TMOD3: variants seen among roughly 807,000 people sequenced by gnomAD.
TMOD3 encodes tropomodulin-3.
In TMOD3, 20 loss-of-function variants were observed where a neutral mutation model predicts 39.2. That is an observed-to-expected ratio of 0.51 (90% confidence interval 0.36 to 0.74). TMOD3 has a LOEUF of 0.74. TMOD3 is among the 30% of genes least tolerant of loss of function. The pLI, the probability that TMOD3 is intolerant of heterozygous loss-of-function variation, is 0.00. For synonymous variants in TMOD3, 143 were observed against 145.8 expected, an observed-to-expected ratio of 0.98 and a Z score of 0.14; for missense variants, 381 against 412.8, an observed-to-expected ratio of 0.92 and a Z score of 0.67.
chr15:51,906,023 T>C (rs908006209), intron 9 of TMOD3, among the ~76,000 whole-genome samples: 3 of 149,068 alleles, frequency 2.0e-5, no homozygotes, highest in African/African-American at 7.5e-5. Flanking sequence ...GGGCAAAATT[T>C]ATAAGCCTGC....
intron 3 of TMOD3, among the ~76,000 whole-genome samples, chr15:51,885,289 T>C (rs866937728): frequency 6.0e-5 from 9 of 150,516 alleles, no homozygotes; most frequent in Middle Eastern, 3.4e-3. Context: ...TTTTTCTTTT[T>C]TTTTTTTTTT....
chr15:51,886,148 TGGC>T (rs2056561501), intron 3 of TMOD3, among the ~76,000 whole-genome samples: 1 of 148,566 alleles, frequency 6.7e-6, no homozygotes, highest in Admixed American at 6.7e-5. Flanking sequence ...CCAGACGGGA[TGGC>T]GGCCAGGAAG....
At chr15:51,852,598 G>A (rs915057332) in intron 1 of TMOD3, among the ~76,000 whole-genome samples, 1 of 152,160 alleles carries the variant, frequency 6.6e-6, no homozygotes, top group Admixed American at 6.5e-5. Flanking sequence ...ATCAACGGAA[G>A]TATCAAAAAT....
chr15:51,860,214 T>C, intron 1 of TMOD3: 1 of 483,624 alleles, frequency 2.1e-6, no homozygotes, highest in Non-Finnish European at 4.1e-6. Flanking sequence ...ATCATAAATT[T>C]CTATTTGTAG....
At chr15:51,842,478 G>T (rs1265705650) in intron 1 of TMOD3, among the ~76,000 whole-genome samples, 9 of 152,114 alleles carry the variant, frequency 5.9e-5, no homozygotes. Context: ...TCCAAAAATT[G>T]CTTATGGTGG....
intron 3 of TMOD3, among the ~76,000 whole-genome samples, chr15:51,885,906 C>T (rs1490787610): frequency 3.3e-5 from 5 of 149,434 alleles, no homozygotes; most frequent in Admixed American, 6.6e-5. Flanking sequence ...GGGTGGCTGC[C>T]GGGCGGGGGC....
chr15:51,902,644 ATTTTTTTTTTTT>A (rs200954393), intron 9 of TMOD3, among the ~76,000 whole-genome samples: 2,091 of 95,100 alleles, frequency 0.022, 105 homozygotes, highest in East Asian at 0.13. Context: ...TAATTTTTGT[ATTTTTTTTTTTT>A]TTTTTTTTTT....
At chr15:51,898,897 T>C (rs935376804) in intron 7 of TMOD3, 2 of 152,236 alleles carry the variant, frequency 1.3e-5, no homozygotes, top group African/African-American at 4.8e-5. Flanking sequence ...CTTTCTTTTT[T>C]CACTTGTAGG....
Position 51,863,481 on chromosome 15 carries a change from ATCTAAGTAACTTC to A in TMOD3, c.126+473_126+485del, listed in dbSNP as rs1215544959. On this transcript the variant is annotated intron_variant, in intron 2 of 9. Coordinates refer to ENST00000308580, the MANE Select transcript of TMOD3 (RefSeq NM_014547.5). Reference sequence around the variant, plus strand: ...ACATTTCCAGACATTGGTAGAATAGATCTAAGTAACTTCTTGGCAATACAGCAGTCCACTGTGG... The same window carrying A: ...ACATTTCCAGACATTGGTAGAATAGATTGGCAATACAGCAGTCCACTGTGG... Among the ~76,000 whole-genome samples the A allele has an allele frequency of 2.6e-5, 4 of 152,354 alleles. No individual in the cohort carries two copies. The East Asian group carries it at 5.8e-4, about 22-fold the overall frequency.
rs577302896 is a variant in TMOD3 at position 51,902,624 on chromosome 15, C to T, written c.1024+588C>T. Among the ~76,000 whole-genome samples the T allele has an allele frequency of 3.3e-5, 5 of 149,816 alleles. No homozygotes were observed. The South Asian group carries it at 6.4e-4, about 19-fold the overall frequency. ...TAGCTGGGACTACAGGCGTGCGCGC[C>T]GTGCCCAGCTAATTTTTGTATTTTT... On this transcript the variant is annotated intron_variant, in intron 9 of 9. Coordinates refer to ENST00000308580, the MANE Select transcript of TMOD3 (RefSeq NM_014547.5).
In TMOD3 at chr15:51,869,208, C is replaced by G. The variant is rs199748493; in HGVS notation, c.127-9C>G. The G allele has an allele frequency of 2.9e-5, 47 of 1,612,468 alleles. No homozygotes were observed. In the Middle Eastern group the frequency reaches 1.3e-3, roughly 45 times the overall value. On this transcript the variant is annotated splice_polypyrimidine_tract_variant and intron_variant, in intron 2 of 9. Coordinates refer to ENST00000308580, the MANE Select transcript of TMOD3 (RefSeq NM_014547.5). ...TTGGTCATATTGGCTGATTCATTCT[C>G]TCTGGCAGAATGCCCTTCTGCCTGC...
chr15:51,902,228 G>A (rs1280287795), intron 9 of TMOD3, among the ~76,000 whole-genome samples, 192 bp downstream of exon 9: 1 of 152,146 alleles, frequency 6.6e-6, no homozygotes, highest in Non-Finnish European at 1.5e-5. Context: ...GGGTCAATGG[G>A]TAAAATCAGC....
intron 1 of TMOD3, among the ~76,000 whole-genome samples, chr15:51,852,086 A>AGGGAG (rs2056364951): frequency 6.6e-6 from 1 of 152,194 alleles, no homozygotes; most frequent in Non-Finnish European, 1.5e-5. Flanking sequence ...TCTGTATGCC[A>AGGGAG]CTTTTAAAAT....
In TMOD3 at chr15:51,896,425, C is replaced by A; in HGVS notation, c.634C>A (p.Pro212Thr). ...EVNLNNIKNI[P>T]IPTLKDFAKA... Reference sequence around the variant, plus strand: ...TATGTTATTGTCTTTCAAGAATATCCCAATTCCAACCCTAAAAGATTTTGC... The same window carrying A: ...TATGTTATTGTCTTTCAAGAATATCACAATTCCAACCCTAAAAGATTTTGC... The change falls in exon 7 of 10, where the codon CCA becomes ACA. Residue 212 changes from proline to threonine, a missense_variant. Transcript: ENST00000308580. 6 of 1,605,762 alleles carry A rather than the reference C, an allele frequency of 3.7e-6. No individual in the cohort carries two copies. The highest frequency in any genetic ancestry group is 1.7e-5 in the Admixed American group (1 of 59,564).
At chr15:51,884,773 C>T (rs2056551404) in intron 3 of TMOD3, 1 of 152,222 alleles carries the variant, frequency 6.6e-6, no homozygotes, top group African/African-American at 2.4e-5. Context: ...GAACAAAGGC[C>T]TCCACACTGA....
At chr15:51,848,885 G>C (rs754729262) in intron 1 of TMOD3, among the ~76,000 whole-genome samples, 13 of 152,182 alleles carry the variant, frequency 8.5e-5, no homozygotes, top group Non-Finnish European at 1.3e-4. Context: ...AAGAAGAGCA[G>C]GCCAATTTCT....
intron 1 of TMOD3, among the ~76,000 whole-genome samples, chr15:51,856,468 A>G (rs2056388197): frequency 6.6e-6 from 1 of 152,250 alleles, no homozygotes; most frequent in East Asian, 1.9e-4. Flanking sequence ...AAACCTAGCT[A>G]AAGAAGTAAA....
At chr15:51,889,492 T>C (rs912882213) in intron 5 of TMOD3, among the ~76,000 whole-genome samples, 4 of 152,138 alleles carry the variant, frequency 2.6e-5, no homozygotes, top group Non-Finnish European at 5.9e-5. Flanking sequence ...AAAATCAGAT[T>C]CAGGAGATAC....
At chr15:51,884,798 A>G (rs1386929839) in intron 3 of TMOD3, 1 of 152,282 alleles carries the variant, frequency 6.6e-6, no homozygotes, top group African/African-American at 2.4e-5. Flanking sequence ...GGCCAAAGAG[A>G]AAAACAAAGG....
Sources: allele counts gnomAD v4.1 joint callset (sites outside exome capture counted in the v4.1 genomes callset), GRCh38; gene constraint gnomAD v4.1.1; transcripts MANE v1.5; gene names NCBI Gene and HGNC (gene_info 2026-07-23, HGNC 2026-07-21).